The following RNF212 variants were observed in gnomAD, a reference collection of about 807,000 sequenced individuals.
The protein encoded by RNF212 is ring finger protein 212.
RNF212 carries 33 observed loss-of-function variants against 34.7 expected under a neutral mutation model. The observed-to-expected ratio is 0.95, with a 90% confidence interval of 0.72 to 1.27. The LOEUF is 1.27. Among genes scored for constraint, RNF212 ranks in the 50% most tolerant of loss-of-function variants. The probability of loss-of-function intolerance (pLI) is 0.00; values close to 1 mark genes in which losing one functional copy is unlikely to be tolerated. For synonymous variants in RNF212, 140 were observed against 136.1 expected, an observed-to-expected ratio of 1.03 and a Z score of -0.20; for missense variants, 377 against 362.2, an observed-to-expected ratio of 1.04 and a Z score of -0.33.
At chr4:1,113,636 T>C, upstream of RNF212, 2 of 498,462 alleles carry the variant, frequency 4.0e-6, no homozygotes, top group Non-Finnish European at 7.0e-6. Flanking sequence ...CCTCGCGGGT[T>C]CTCCCGCAGC....
chr4:1,081,687 T>C (rs909178817), intron 5 of RNF212, 68 bp from the exon 6 acceptor site: 4 of 1,108,378 alleles, frequency 3.6e-6, no homozygotes, highest in Non-Finnish European at 5.5e-6. Context: ...TCATCCCAAC[T>C]GAAAGTGTAA....
intron 3 of RNF212, among the ~76,000 whole-genome samples, chr4:1,061,224 C>G (rs552626106): frequency 9.2e-5 from 14 of 152,306 alleles, no homozygotes; most frequent in African/African-American, 3.4e-4. Context: ...TCCACCTCCC[C>G]CTACCCCACT....
chr4:1,079,896 C>T (rs1447680129), intron 7 of RNF212, among the ~76,000 whole-genome samples: 1 of 152,250 alleles, frequency 6.6e-6, no homozygotes, highest in African/African-American at 2.4e-5. Flanking sequence ...TGGGATGTAG[C>T]CTCTCCAGGA....
Position 1,073,196 on chromosome 4 carries a change from G to A in RNF212, c.575-3C>T. On this transcript the variant is annotated splice_region_variant and splice_polypyrimidine_tract_variant and intron_variant, in intron 9 of 9. Transcript: ENST00000433731. ...GAAAGAAGCTGTTAGATGTGGCCCT[G>A]CGGGAAGATGCAGGAGACAGCGTGT... 3 of 1,613,388 alleles carry A rather than the reference G, an allele frequency of 1.9e-6. No homozygotes were observed. Among genetic ancestry groups the A allele is most frequent in the Non-Finnish European group, 2.5e-6 (3 of 1,179,438 alleles).
At chr4:1,057,921 T>A (rs1432325282) in intron 4 of RNF212, among the ~76,000 whole-genome samples, 2 of 151,772 alleles carry the variant, frequency 1.3e-5, no homozygotes, top group Non-Finnish European at 2.9e-5. Flanking sequence ...ATTAGCCGAG[T>A]GTGGTGGCAC....
At chr4:1,058,221 A>G (rs13114658) in intron 4 of RNF212, 85,574 of 219,046 alleles carry the variant, frequency 0.39, 21,190 homozygotes, top group Non-Finnish European at 0.45. Flanking sequence ...TTTCCTTTAA[A>G]ACGCTGTGAA....
At position 1,058,380 on chromosome 4, in the gene RNF212, G is replaced by A; in HGVS notation, n.161C>T. On this transcript the variant is annotated non_coding_transcript_exon_variant, in exon 4 of 5. Coordinates refer to the RNF212 transcript ENST00000503206. ...TCAGGCCGGGATGCTCGGGGCCCAG[G>A]GAGGAGACGCTGCCTGTGGTGGAAC... is the stretch of plus-strand genomic sequence containing the variant. 3 of 982,682 alleles carry A rather than the reference G, an allele frequency of 3.1e-6. 1 individual carries two copies. Among genetic ancestry groups the A allele is most frequent in the Non-Finnish European group, 3.6e-6 (3 of 825,454 alleles). The allele number at this position is 982,682 out of a possible 1,614,324, so 60.9% of individuals were successfully genotyped here. A position where few individuals can be genotyped will look rare whatever the true frequency, so the allele number is the denominator to read the frequency against.
At chr4:1,074,370 C>T (rs898577827) in intron 8 of RNF212, among the ~76,000 whole-genome samples, 3 of 152,206 alleles carry the variant, frequency 2.0e-5, no homozygotes, top group Admixed American at 6.5e-5. Context: ...TGCCTCACCC[C>T]GCTGGTCCTC....
At chr4:1,060,715 T>C (rs1482615468) in intron 3 of RNF212, among the ~76,000 whole-genome samples, 1 of 152,262 alleles carries the variant, frequency 6.6e-6, no homozygotes, top group Non-Finnish European at 1.5e-5. Context: ...CCTGTTTCCC[T>C]GTGATGCCAG....
chr4:1,069,013 T>A (rs748323630), downstream of RNF212, among the ~76,000 whole-genome samples: 1 of 152,076 alleles, frequency 6.6e-6, no homozygotes, highest in Non-Finnish European at 1.5e-5. Flanking sequence ...TTTGAGACCA[T>A]CATGGGCAAC....
At chr4:1,092,120 C>T (rs1722278233) in intron 3 of RNF212, among the ~76,000 whole-genome samples, 1 of 152,256 alleles carries the variant, frequency 6.6e-6, no homozygotes, top group Non-Finnish European at 1.5e-5. Flanking sequence ...CAGGAACATT[C>T]CACCCTGCAG....
chr4:1,073,798 G>A, intron 8 of RNF212, 136 bp from the exon 9 acceptor site: 2 of 672,404 alleles, frequency 3.0e-6, no homozygotes, highest in Admixed American at 2.1e-5. Context: ...ACAAGTTCCT[G>A]TCTAACTTGA....
At chr4:1,112,712 C>T in intron 1 of RNF212, among the ~76,000 whole-genome samples, 1 of 146,354 alleles carries the variant, frequency 6.8e-6, no homozygotes, top group South Asian at 2.3e-4. Flanking sequence ...ATCCCGCTCC[C>T]CCCGGCGGCC....
chr4:1,086,435 G>T (rs1577708165), intron 4 of RNF212, among the ~76,000 whole-genome samples: 1 of 151,404 alleles, frequency 6.6e-6, no homozygotes, highest in East Asian at 2.0e-4. Context: ...CTCCAGGTTT[G>T]CTGGGAGGAT....
intron 2 of RNF212, among the ~76,000 whole-genome samples, chr4:1,106,901 G>A (rs1478461628): frequency 1.3e-5 from 2 of 152,206 alleles, no homozygotes; most frequent in African/African-American, 4.8e-5. Flanking sequence ...TATAAGTGTG[G>A]AGAGATATTG....
chr4:1,105,137 C>T (rs1396821242), intron 2 of RNF212, among the ~76,000 whole-genome samples: 1 of 152,222 alleles, frequency 6.6e-6, no homozygotes, highest in Non-Finnish European at 1.5e-5. Context: ...AAGCAACTGG[C>T]GTGTCCATGA....
At chr4:1,071,431 G>T (rs1174181395), downstream of RNF212, 4 of 152,106 alleles carry the variant, frequency 2.6e-5, no homozygotes, top group East Asian at 7.7e-4. Context: ...TCTGTTCTGT[G>T]AAAGATAATG....
chr4:1,073,416 G>A (rs1718751748), intron 9 of RNF212, among the ~76,000 whole-genome samples, 183 bp downstream of exon 9: 1 of 152,104 alleles, frequency 6.6e-6, no homozygotes, highest in South Asian at 2.1e-4. Context: ...GTCATCAGGA[G>A]CTTCTCCCTG....
chr4:1,090,857 T>A lies in RNF212; in HGVS notation c.247-19A>T. ...CTAAAATCTGAAAAGATCATAGGTT[T>A]CAGCTGCTGACACAGATCCACGGTC... On this transcript the variant is annotated intron_variant, in intron 3 of 9. Transcript: ENST00000433731. 1 of 1,542,536 alleles carries A rather than the reference T, an allele frequency of 6.5e-7. No homozygotes were observed.
Sources: gnomAD v4.1 joint callset for allele counts (sites outside exome capture counted in the v4.1 genomes callset) on GRCh38, gnomAD v4.1.1 for gene constraint, MANE v1.5 for transcripts, NCBI Gene and HGNC (gene_info 2026-07-23, HGNC 2026-07-21) for gene names.